Variants in SPATS2 observed in about 807,000 individuals in gnomAD.
SPATS2 encodes the protein spermatogenesis-associated serine-rich protein 2.
In SPATS2, 38 loss-of-function variants were observed where a neutral mutation model predicts 63.7. That is an observed-to-expected ratio of 0.60 (90% CI 0.46 to 0.78). SPATS2 has a LOEUF of 0.78. SPATS2 is among the 30% of genes least tolerant of loss of function. The pLI is 0.00. For synonymous variants in SPATS2, 207 were observed against 232.9 expected (o/e 0.89, Z 1.01); for missense variants, 588 against 666.2 (o/e 0.88, Z 1.29).
intron 9 of SPATS2, among the ~76,000 whole-genome samples, chr12:49,509,599 T>G (rs1283745094): frequency 1.3e-5 from 2 of 152,062 alleles, no homozygotes; most frequent in Non-Finnish European, 2.9e-5. Flanking sequence ...GGTGGATTGC[T>G]TGAGGTCAGG....
At chr12:49,525,752 G>A (rs1257382084) in intron 13 of SPATS2, among the ~76,000 whole-genome samples, 192 bp from the exon 14 acceptor site, 1 of 152,202 alleles carries the variant, frequency 6.6e-6, no homozygotes, top group Non-Finnish European at 1.5e-5. Context: ...GGCATGAAGA[G>A]CAGGGAAAGA....
Position 49,508,210 on chromosome 12 carries a change from A to G in SPATS2, c.840-6345A>G, listed in dbSNP as rs1411054697. 3.4e-5 allele frequency among the ~76,000 whole-genome samples: 5 copies of G among 149,084 alleles called. No individual in the cohort carries two copies. In the East Asian group the frequency reaches 9.8e-4, roughly 29 times the overall value. On this transcript the variant is annotated intron_variant, in intron 9 of 13. Coordinates refer to ENST00000552918, the MANE Select transcript of SPATS2 (RefSeq NM_023071.4). ...TTTTAGACATTGGTGTCATAATTCC[A>G]GTTTCTTTTTTTTTTTAGACTGAGT...
At chr12:49,455,563 A>G (rs1327343795) in intron 2 of SPATS2, among the ~76,000 whole-genome samples, 5 of 152,114 alleles carry the variant, frequency 3.3e-5, no homozygotes, top group Admixed American at 2.0e-4. Flanking sequence ...GTGTGCTACC[A>G]TCCCTGGCTA....
At chr12:49,431,358 C>G (rs1200041439) in intron 2 of SPATS2, among the ~76,000 whole-genome samples, 1 of 152,024 alleles carries the variant, frequency 6.6e-6, no homozygotes, top group African/African-American at 2.4e-5. Context: ...AAGTGATTCT[C>G]CTGCCCTGGC....
intron 2 of SPATS2, among the ~76,000 whole-genome samples, chr12:49,445,815 G>A (rs998632790): frequency 1.3e-5 from 2 of 151,860 alleles, no homozygotes; most frequent in East Asian, 1.9e-4. Context: ...GTGAGCCATC[G>A]TGCCTGGCCT....
chr12:49,473,779 C>G (rs912939748), intron 3 of SPATS2, among the ~76,000 whole-genome samples: 4 of 152,068 alleles, frequency 2.6e-5, no homozygotes, highest in African/African-American at 9.7e-5. Context: ...TGATGTTGAG[C>G]AAAAATCCAA....
At chr12:49,385,932 G>A (rs1367163996) in intron 2 of SPATS2, among the ~76,000 whole-genome samples, 2 of 147,070 alleles carry the variant, frequency 1.4e-5, no homozygotes, top group African/African-American at 2.5e-5. Context: ...GCAGTGGTGC[G>A]ATCTTACTGC....
intron 2 of SPATS2, among the ~76,000 whole-genome samples, chr12:49,395,049 G>A (rs958565672): frequency 2.0e-5 from 3 of 151,926 alleles, no homozygotes; most frequent in Admixed American, 2.0e-4. Flanking sequence ...CTCCAGCCTG[G>A]GCAATAGAGC....
At chr12:49,398,587 C>T (rs955324208) in intron 2 of SPATS2, among the ~76,000 whole-genome samples, 1 of 152,122 alleles carries the variant, frequency 6.6e-6, no homozygotes, top group South Asian at 2.1e-4. Context: ...CCCACATAGG[C>T]ACTATGGGAA....
chr12:49,372,742 T>C (rs1944019869), intron 2 of SPATS2, among the ~76,000 whole-genome samples: 1 of 152,148 alleles, frequency 6.6e-6, no homozygotes, highest in African/African-American at 2.4e-5. Context: ...TCGTGTCTGC[T>C]GTATGCTTTA....
At chr12:49,469,118 C>T (rs1261261513) in intron 3 of SPATS2, among the ~76,000 whole-genome samples, 3 of 151,840 alleles carry the variant, frequency 2.0e-5, no homozygotes, top group Non-Finnish European at 4.4e-5. Context: ...AAATTAATGG[C>T]CAGGCACAGT....
chr12:49,368,404 T>C (rs1943940510), intron 1 of SPATS2, among the ~76,000 whole-genome samples: 3 of 152,354 alleles, frequency 2.0e-5, no homozygotes, highest in South Asian at 4.1e-4. Context: ...ACCAAAAATA[T>C]CTTGCTTTAA....
rs532483638 is a variant in SPATS2, at chr12:49,423,651, G to A, written c.-243-37119G>A. On this transcript the variant is annotated intron_variant, in intron 2 of 13. Coordinates refer to ENST00000552918, the MANE Select transcript of SPATS2 (RefSeq NM_023071.4). ...AATGAATATTAGTTGAATAATGAATGAAATGAGAAAGTTTAAAGTTCTATC... is the reference window on the plus strand; with the variant it reads ...AATGAATATTAGTTGAATAATGAATAAAATGAGAAAGTTTAAAGTTCTATC... Among the ~76,000 whole-genome samples the A allele has an allele frequency of 1.1e-3, 168 of 152,262 alleles. 2 individuals are homozygous for A. In the Middle Eastern group the frequency reaches 0.027, roughly 25 times the overall value.
At chr12:49,425,277 T>G (rs1418055127) in intron 2 of SPATS2, among the ~76,000 whole-genome samples, 4 of 152,208 alleles carry the variant, frequency 2.6e-5, no homozygotes, top group Non-Finnish European at 5.9e-5. Context: ...GGTTCAGTCT[T>G]CTAGAGCCTT....
At chr12:49,525,480 C>G (rs905765671) in intron 13 of SPATS2, among the ~76,000 whole-genome samples, 1 of 152,146 alleles carries the variant, frequency 6.6e-6, no homozygotes, top group Non-Finnish European at 1.5e-5. Flanking sequence ...GATTATAATG[C>G]GAAAGATGTG....
At chr12:49,385,056 G>A (rs1944288436) in intron 2 of SPATS2, among the ~76,000 whole-genome samples, 1 of 151,904 alleles carries the variant, frequency 6.6e-6, no homozygotes, top group South Asian at 2.1e-4. Context: ...TGATTTGCCC[G>A]CCTCAGCCTC....
At chr12:49,445,311 G>A (rs556153278) in intron 2 of SPATS2, among the ~76,000 whole-genome samples, 6 of 152,088 alleles carry the variant, frequency 3.9e-5, no homozygotes, top group Non-Finnish European at 5.9e-5. Context: ...GTATGGGTGC[G>A]TGAAAATGCT....
At chr12:49,511,078 ATAGTCCCAGCTAC>A (rs1490695364) in intron 9 of SPATS2, among the ~76,000 whole-genome samples, 1 of 151,900 alleles carries the variant, frequency 6.6e-6, no homozygotes, top group Non-Finnish European at 1.5e-5. Flanking sequence ...CCACGTGCCC[ATAGTCCCAGCTAC>A]TTGGGAGGCT....
Position 49,435,356 on chromosome 12 carries a change from G to C in SPATS2, c.-243-25414G>C, listed in dbSNP as rs559661493. The stretch of plus-strand genomic sequence containing the variant: ...TTTTTTTTTTTAAAGATAAGGTCTA[G>C]CTTTGTCGCCCGGGCCAGAGTGCCA... On this transcript the variant is annotated intron_variant, in intron 2 of 13. Coordinates refer to ENST00000552918, the MANE Select transcript of SPATS2 (RefSeq NM_023071.4). Among the ~76,000 whole-genome samples, 204 of 141,878 alleles carry C rather than the reference G, an allele frequency of 1.4e-3. 1 individual carries two copies. Among genetic ancestry groups the C allele is most frequent in the Non-Finnish European group, 7.4e-4 (49 of 65,826 alleles). The allele number at this position is 141,878 out of a possible 152,430, so 93.1% of individuals were successfully genotyped here.
Sources: allele counts gnomAD v4.1 joint callset (sites outside exome capture counted in the v4.1 genomes callset), GRCh38; gene constraint gnomAD v4.1.1; transcripts MANE v1.5; gene names NCBI Gene and HGNC (gene_info 2026-07-23, HGNC 2026-07-21).